The following TET1 variants were observed in gnomAD, a reference collection of about 807,000 sequenced individuals.
TET1 encodes the protein tet methylcytosine dioxygenase 1.
A neutral mutation model predicts 148.7 loss-of-function variants in TET1; 13 were observed. The ratio of observed to expected loss-of-function variants is 0.09; its 90% confidence interval spans 0.06 to 0.14. The LOEUF (loss-of-function observed/expected upper bound fraction) is 0.14. TET1 is among the 10% of genes least tolerant of loss of function. TET1 has a pLI of 1.00. For missense variants in TET1, 2,182 were observed against 2,553.8 expected (o/e 0.85, Z 3.14); for synonymous variants, 907 against 937.2 (o/e 0.97, Z 0.59).
At chr10:68,683,991 C>T (rs548524534) in intron 10 of TET1, among the ~76,000 whole-genome samples, 1 of 152,134 alleles carries the variant, frequency 6.6e-6, no homozygotes, top group Non-Finnish European at 1.5e-5. Context: ...ACCTGTTTGT[C>T]TTCCTGTCAT....
intron 8 of TET1, chr10:68,674,572 G>T: frequency 3.7e-6 from 2 of 540,718 alleles, no homozygotes; most frequent in South Asian, 1.6e-5. Context: ...AAATTCAGCT[G>T]ATTACTGAAG....
intron 2 of TET1, among the ~76,000 whole-genome samples, chr10:68,586,458 G>C (rs1018773121): frequency 6.8e-6 from 1 of 148,118 alleles, no homozygotes; most frequent in Non-Finnish European, 1.5e-5. Context: ...GATTGCAGGC[G>C]TGTGCCATTG....
intron 11 of TET1, among the ~76,000 whole-genome samples, chr10:68,688,966 C>CCA: frequency 6.6e-6 from 1 of 152,122 alleles, no homozygotes; most frequent in Non-Finnish European, 1.5e-5. Context: ...GCAGTGCAGG[C>CCA]ATTTATATAA....
intron 7 of TET1, among the ~76,000 whole-genome samples, chr10:68,672,515 C>CAAAAAAAAAAA (rs1207136905): frequency 1.2e-5 from 1 of 85,724 alleles, no homozygotes; most frequent in African/African-American, 4.3e-5. Flanking sequence ...AAAAAAACAC[C>CAAAAAAAAAAA]AAAAAAAAAA....
intron 7 of TET1, among the ~76,000 whole-genome samples, chr10:68,668,212 T>G (rs945594894): frequency 6.6e-6 from 1 of 152,238 alleles, no homozygotes; most frequent in African/African-American, 2.4e-5. Context: ...TTTCTCAGTT[T>G]GTCTTTTTCC....
intron 11 of TET1, among the ~76,000 whole-genome samples, chr10:68,688,005 G>A (rs1372029803): frequency 6.6e-6 from 1 of 151,996 alleles, no homozygotes; most frequent in Non-Finnish European, 1.5e-5. Flanking sequence ...CACAATCATA[G>A]CACACTGCTG....
intron 6 of TET1, among the ~76,000 whole-genome samples, chr10:68,664,547 C>T (rs1010492786): frequency 6.0e-5 from 9 of 150,094 alleles, no homozygotes; most frequent in African/African-American, 2.0e-4. Flanking sequence ...TGTCCACACC[C>T]GGCTCATTTT....
chr10:68,562,331 G>A (rs1248572902), intron 1 of TET1, among the ~76,000 whole-genome samples: 3 of 152,198 alleles, frequency 2.0e-5, no homozygotes, highest in Non-Finnish European at 4.4e-5. Flanking sequence ...AGGAATTTAT[G>A]ACTACAATTA....
intron 8 of TET1, among the ~76,000 whole-genome samples, chr10:68,677,171 C>T (rs2055373228): frequency 6.6e-6 from 1 of 152,140 alleles, no homozygotes; most frequent in African/African-American, 2.4e-5. Flanking sequence ...AAAGCTTTAG[C>T]AGAAAATAGC....
chr10:68,654,336 C>T (rs1334292762), intron 6 of TET1, among the ~76,000 whole-genome samples: 1 of 151,980 alleles, frequency 6.6e-6, no homozygotes, highest in East Asian at 1.9e-4. Context: ...AGGGGATAGG[C>T]CAGGCGCAGT....
chr10:68,687,032 C>T (rs565389849), intron 11 of TET1, among the ~76,000 whole-genome samples: 7 of 151,948 alleles, frequency 4.6e-5, no homozygotes, highest in East Asian at 1.9e-4. Context: ...GGACCACAGG[C>T]GCCCGCCACC....
In TET1 at chr10:68,674,798, G is replaced by A. The variant is rs149372872; in HGVS notation, c.4824+1753G>A. On this transcript the variant is annotated intron_variant, in intron 8 of 11. Coordinates refer to ENST00000373644, the MANE Select transcript of TET1 (RefSeq NM_030625.3). Reference sequence around the variant, plus strand: ...CTCTTATGCTTAGCACCAATGTTTCGGCCAAATCTGGAACAAGTTGATGGA... The same window carrying A: ...CTCTTATGCTTAGCACCAATGTTTCAGCCAAATCTGGAACAAGTTGATGGA... The A allele has an allele frequency of 6.2e-3, 2,961 of 477,458 alleles. 14 individuals are homozygous for A. The highest frequency in any genetic ancestry group is 9.5e-3 in the Non-Finnish European group (2,374 of 248,712). The allele number at this position is 477,458 out of a possible 1,614,324, so 29.6% of individuals were successfully genotyped here.
At chr10:68,585,712 TA>T (rs1217361962) in intron 2 of TET1, among the ~76,000 whole-genome samples, 1 of 151,922 alleles carries the variant, frequency 6.6e-6, no homozygotes, top group African/African-American at 2.4e-5. Context: ...TCAGACCACT[TA>T]AAAAAAATTT....
At position 68,587,661 on chromosome 10, in the gene TET1, C is replaced by T. The variant is rs113608281; in HGVS notation, c.1915-13320C>T. 2.7e-3 allele frequency among the ~76,000 whole-genome samples: 417 copies of T among 152,190 alleles called. 1 individual carries two copies. The highest frequency in any genetic ancestry group is 0.01 in the Middle Eastern group (3 of 294). On this transcript the variant is annotated intron_variant, in intron 2 of 11. Coordinates refer to ENST00000373644, the MANE Select transcript of TET1 (RefSeq NM_030625.3). Reference sequence around the variant, plus strand: ...ATTACTTCATTACTAATTAGGTACACGCAGTTTTAACAAAATTGAAACTTT... The same window carrying T: ...ATTACTTCATTACTAATTAGGTACATGCAGTTTTAACAAAATTGAAACTTT...
At chr10:68,584,043 T>C (rs971126906) in intron 2 of TET1, among the ~76,000 whole-genome samples, 3 of 152,014 alleles carry the variant, frequency 2.0e-5, no homozygotes, top group Non-Finnish European at 4.4e-5. Context: ...ATATCTTTTT[T>C]TTTTTTTAAT....
chr10:68,632,564 G>A, intron 3 of TET1: 1 of 1,604,198 alleles, frequency 6.2e-7, no homozygotes. Context: ...GGAGTAGGGG[G>A]GTTTATCTTG....
At chr10:68,564,078 G>T (rs2053582152) in intron 1 of TET1, among the ~76,000 whole-genome samples, 1 of 151,762 alleles carries the variant, frequency 6.6e-6, no homozygotes, top group African/African-American at 2.4e-5. Context: ...TTATCTCCTA[G>T]CCTATAATTT....
rs974912892 is a variant in TET1 at position 68,661,196 on chromosome 10, ATTT to A, written c.4462-5826_4462-5824del. On this transcript the variant is annotated intron_variant, in intron 6 of 11. Coordinates refer to ENST00000373644, the MANE Select transcript of TET1 (RefSeq NM_030625.3). ...AGGCGCCTGCCACTGCGCCTGGCTA[ATTT>A]TTTTTTTTTTTTTTTTTTTTTTGTA... is the stretch of plus-strand genomic sequence containing the variant. Among the ~76,000 whole-genome samples the A allele has an allele frequency of 8.7e-3, 685 of 78,592 alleles. 4 individuals are homozygous for A. Among genetic ancestry groups the A allele is most frequent in the African/African-American group, 0.041 (658 of 16,002 alleles). The allele number at this position is 78,592 out of a possible 152,430, so 51.6% of individuals were successfully genotyped here. A position where few individuals can be genotyped will look rare whatever the true frequency, so the allele number is the denominator to read the frequency against.
At chr10:68,603,726 A>C (rs1484026087) in intron 3 of TET1, among the ~76,000 whole-genome samples, 1 of 152,204 alleles carries the variant, frequency 6.6e-6, no homozygotes, top group African/African-American at 2.4e-5. Flanking sequence ...AGCTATAATC[A>C]CATGAGCTAT....
Sources: gnomAD v4.1 joint callset for allele counts (sites outside exome capture counted in the v4.1 genomes callset) on GRCh38, gnomAD v4.1.1 for gene constraint, MANE v1.5 for transcripts, NCBI Gene and HGNC (gene_info 2026-07-23, HGNC 2026-07-21) for gene names.